Variants in RHOT1 observed in about 807,000 individuals in gnomAD.
RHOT1 encodes mitochondrial Rho GTPase 1.
RHOT1 carries 27 observed loss-of-function variants against 95.3 expected under a neutral mutation model. The ratio of observed to expected loss-of-function variants is 0.28; its 90% CI spans 0.21 to 0.39. RHOT1 has a LOEUF of 0.39. RHOT1 is among the 10% of genes least tolerant of loss of function. The pLI is 1.00. For synonymous variants in RHOT1, 227 were observed against 263.5 expected (o/e 0.86, Z 1.34); for missense variants, 578 against 786.7 (o/e 0.73, Z 3.17).
intron 1 of RHOT1, chr17:32,142,982 C>T (rs1320938190): frequency 1.4e-6 from 1 of 711,578 alleles, no homozygotes; most frequent in Non-Finnish European, 2.6e-6. Flanking sequence ...TGTTCCCCAG[C>T]CGTCCTCCCA....
Position 32,142,594 on chromosome 17 carries a change from C to T in RHOT1, c.-99C>T. On this transcript the variant is annotated 5_prime_UTR_variant, in exon 1 of 20. Coordinates refer to ENST00000545287, the MANE Select transcript of RHOT1 (RefSeq NM_001033566.3). ...GGGGCGGCGCGGCGGGCCCCGGCGG[C>T]CGAAGAGGCTGGCAGGTGGCGCCGT... 2.8e-6 allele frequency: 3 copies of T among 1,089,066 alleles called. No homozygotes were observed. Among genetic ancestry groups the T allele is most frequent in the Non-Finnish European group, 3.7e-6 (3 of 809,802 alleles). The allele number at this position is 1,089,066 out of a possible 1,614,324, so 67.5% of individuals were successfully genotyped here.
intron 1 of RHOT1, among the ~76,000 whole-genome samples, chr17:32,170,368 T>G (rs990068733): frequency 2.0e-5 from 3 of 152,042 alleles, no homozygotes; most frequent in Non-Finnish European, 4.4e-5. Flanking sequence ...TGAGCCAAGA[T>G]TGCGCCACTG....
At chr17:32,216,914 G>T (rs780848690) in intron 19 of RHOT1, among the ~76,000 whole-genome samples, 10 of 152,086 alleles carry the variant, frequency 6.6e-5, no homozygotes, top group Non-Finnish European at 1.5e-4. Flanking sequence ...TTATTCCCTT[G>T]TATGAAGGTC....
intron 1 of RHOT1, among the ~76,000 whole-genome samples, chr17:32,149,591 CTATATA>C (rs1162059092): frequency 0.032 from 1,693 of 52,544 alleles, 42 homozygotes; most frequent in South Asian, 0.066. Context: ...CCCAGCAGTT[CTATATA>C]TATATATATA....
chr17:32,218,218 G>A (rs2038604676), intron 19 of RHOT1, among the ~76,000 whole-genome samples: 1 of 152,056 alleles, frequency 6.6e-6, no homozygotes, highest in Non-Finnish European at 1.5e-5. Flanking sequence ...GCCAAGCGCA[G>A]TGGCTCATGC....
intron 19 of RHOT1, among the ~76,000 whole-genome samples, chr17:32,222,514 G>A (rs999714975): frequency 6.6e-6 from 1 of 152,066 alleles, no homozygotes; most frequent in Non-Finnish European, 1.5e-5. Flanking sequence ...AACAGCTTTA[G>A]GTTTCCTTGT....
chr17:32,195,836 T>C (rs550784088), intron 11 of RHOT1, among the ~76,000 whole-genome samples: 1 of 152,338 alleles, frequency 6.6e-6, no homozygotes, highest in South Asian at 2.1e-4. Flanking sequence ...ACTAAATGAA[T>C]GAATTTGTTA....
intron 19 of RHOT1, among the ~76,000 whole-genome samples, chr17:32,220,322 A>C (rs927835357): frequency 2.0e-5 from 3 of 152,222 alleles, no homozygotes; most frequent in Non-Finnish European, 4.4e-5. Context: ...GGATTGCACC[A>C]CTGCACTATC....
At chr17:32,193,392 G>C (rs72827703) in intron 10 of RHOT1, 148 bp downstream of exon 10, 61,313 of 634,424 alleles carry the variant, frequency 0.097, 3,460 homozygotes, top group Middle Eastern at 0.15. Context: ...TTTATGAGTT[G>C]GGAGGGACAG....
At chr17:32,178,137 C>T (rs896428014) in intron 6 of RHOT1, among the ~76,000 whole-genome samples, 4 of 151,996 alleles carry the variant, frequency 2.6e-5, no homozygotes, top group African/African-American at 4.8e-5. Context: ...CTGAGTCGAT[C>T]GACCACCCAG....
chr17:32,183,097 C>A, intron 7 of RHOT1, 74 bp from the exon 8 acceptor site: 1 of 1,223,832 alleles, frequency 8.2e-7, no homozygotes, highest in Non-Finnish European at 1.2e-6. Flanking sequence ...CTTTTTTTTG[C>A]CTTATGTTGA....
intron 1 of RHOT1, among the ~76,000 whole-genome samples, chr17:32,161,262 C>T (rs1598313413): frequency 1.3e-5 from 2 of 152,268 alleles, no homozygotes; most frequent in Admixed American, 6.5e-5. Context: ...ATGTGGAAAA[C>T]GTTCCTCGTG....
intron 19 of RHOT1, 30 bp downstream of exon 19, chr17:32,211,268 C>T (rs768123759): frequency 3.2e-6 from 5 of 1,560,002 alleles, no homozygotes; most frequent in Non-Finnish European, 4.4e-6. Context: ...GGGTACCAGG[C>T]ATTCTGTTAA....
At chr17:32,145,330 A>G (rs2031156952) in intron 1 of RHOT1, among the ~76,000 whole-genome samples, 1 of 152,120 alleles carries the variant, frequency 6.6e-6, no homozygotes, top group Non-Finnish European at 1.5e-5. Flanking sequence ...GATAATAGTA[A>G]ACAGGATAGT....
intron 1 of RHOT1, among the ~76,000 whole-genome samples, chr17:32,156,649 G>A (rs371552330): frequency 2.6e-5 from 4 of 152,236 alleles, no homozygotes; most frequent in African/African-American, 4.8e-5. Flanking sequence ...AGCATATGCC[G>A]TAAGCATTTA....
At chr17:32,198,063 T>C (rs1436885271) in intron 11 of RHOT1, among the ~76,000 whole-genome samples, 1 of 152,044 alleles carries the variant, frequency 6.6e-6, no homozygotes, top group Non-Finnish European at 1.5e-5. Flanking sequence ...CCTAGTTAAT[T>C]TGTAAAATTT....
chr17:32,201,059 A>T lies in RHOT1; in HGVS notation c.1201+3A>T. 6.5e-7 allele frequency: 1 copy of T among 1,545,456 alleles called. No individual in the cohort carries two copies. The highest frequency in any genetic ancestry group is 8.9e-7 in the Non-Finnish European group (1 of 1,126,816). On this transcript the variant is annotated splice_donor_region_variant and intron_variant, in intron 14 of 19. Transcript: ENST00000545287. ...GTCTCAAGCTTCAGCTGTTACAGGTAAGTATCTAGATACTGTTCAGCTCAT... is the reference window on the plus strand; with the variant it reads ...GTCTCAAGCTTCAGCTGTTACAGGTTAGTATCTAGATACTGTTCAGCTCAT...
At chr17:32,204,017 C>A in intron 16 of RHOT1, 44 bp downstream of exon 16, 1 of 1,330,846 alleles carries the variant, frequency 7.5e-7, no homozygotes, top group Admixed American at 1.8e-5. Context: ...TTATTGGGTA[C>A]ATTTTTAAAT....
At chr17:32,206,441 CTTTTTTTTTTTTTT>C (rs34176535) in intron 16 of RHOT1, among the ~76,000 whole-genome samples, 1 of 67,008 alleles carries the variant, frequency 1.5e-5, no homozygotes, top group Non-Finnish European at 3.0e-5. Flanking sequence ...TCTATACTTT[CTTTTTTTTTTTTTT>C]TTTTTTTTTT....
Sources: allele counts gnomAD v4.1 joint callset (sites outside exome capture counted in the v4.1 genomes callset), GRCh38; gene constraint gnomAD v4.1.1; transcripts MANE v1.5; gene names NCBI Gene and HGNC (gene_info 2026-07-23, HGNC 2026-07-21).